The following SCOC variants were observed in gnomAD, a reference collection of about 807,000 sequenced individuals.
SCOC encodes the protein short coiled-coil protein, also known as short coiled coil protein.
SCOC carries 7 observed loss-of-function variants against 9.9 expected under a neutral mutation model. That is an observed-to-expected ratio of 0.71 (90% CI 0.40 to 1.33). SCOC has a LOEUF of 1.33. SCOC is among the 40% of genes most tolerant of loss of function. SCOC has a pLI of 0.01. For missense variants in SCOC, 66 were observed against 89.7 expected, an observed-to-expected ratio of 0.74 and a Z score of 1.07; for synonymous variants, 19 against 28.2, an observed-to-expected ratio of 0.67 and a Z score of 1.03.
chr4:140,384,586 A>C lies in SCOC; in HGVS notation c.*3482A>C, dbSNP rs1383697337. 1 of 152,164 alleles carries C rather than the reference A, an allele frequency of 6.6e-6. No individual in the cohort carries two copies. Among genetic ancestry groups the C allele is most frequent in the Non-Finnish European group, 1.5e-5 (1 of 68,050 alleles). The allele number at this position is 152,164 out of a possible 1,614,324, so 9.4% of individuals were successfully genotyped here. A position where few individuals can be genotyped will look rare whatever the true frequency, so the allele number is the denominator to read the frequency against. On this transcript the variant is annotated 3_prime_UTR_variant, in exon 4 of 4. Coordinates refer to ENST00000608372, the MANE Select transcript of SCOC (RefSeq NM_001153484.2). The stretch of plus-strand genomic sequence containing the variant: ...ACCTCATCACTGCTCATTGACTATA[A>C]ATCCTCAGTTGTATTTGCTGTGTTA...
intron 1 of SCOC, among the ~76,000 whole-genome samples, chr4:140,377,060 T>G (rs1728374018): frequency 6.6e-6 from 1 of 152,240 alleles, no homozygotes; most frequent in African/African-American, 2.4e-5. Context: ...AATTGCAGCT[T>G]ACTCTTGCTG....
upstream of SCOC, among the ~76,000 whole-genome samples, chr4:140,339,060 C>T: frequency 6.6e-6 from 1 of 152,196 alleles, no homozygotes; most frequent in Non-Finnish European, 1.5e-5. Flanking sequence ...TACTACAAGG[C>T]TACAGTAACC....
intron 1 of SCOC, among the ~76,000 whole-genome samples, chr4:140,322,201 A>G (rs1270135688): frequency 6.6e-6 from 1 of 152,240 alleles, no homozygotes; most frequent in Admixed American, 6.5e-5. Context: ...GTGTTGCTGT[A>G]ATAAATACCT....
At chr4:140,287,274 C>T (rs1220881510) in intron 1 of SCOC, among the ~76,000 whole-genome samples, 1 of 149,586 alleles carries the variant, frequency 6.7e-6, no homozygotes, top group African/African-American at 2.6e-5. Context: ...AAATCATGTG[C>T]ACATGCCACA....
intron 1 of SCOC, among the ~76,000 whole-genome samples, chr4:140,328,201 C>T (rs929044335): frequency 3.3e-5 from 5 of 152,324 alleles, no homozygotes; most frequent in Admixed American, 2.0e-4. Context: ...GGATTACAGT[C>T]ACCCATCTCC....
At chr4:140,277,295 C>A (rs1731005670) in intron 1 of SCOC, among the ~76,000 whole-genome samples, 1 of 152,222 alleles carries the variant, frequency 6.6e-6, no homozygotes, top group East Asian at 1.9e-4. Context: ...CTGCAGACCC[C>A]CCTCCCCACT....
intron 1 of SCOC, among the ~76,000 whole-genome samples, chr4:140,335,072 C>A (rs1278833657): frequency 6.6e-6 from 1 of 152,150 alleles, no homozygotes; most frequent in African/African-American, 2.4e-5. Context: ...TGTAAGAAAT[C>A]TAGAATTTCC....
chr4:140,366,944 G>A lies in SCOC; in HGVS notation c.71-12177G>A, dbSNP rs113106592. ...TTATTGACCAGGCGTGGTGGCTCAC[G>A]CATGTAATCCCAGCACTTTGGGAGG... On this transcript the variant is annotated intron_variant, in intron 2 of 4. Coordinates refer to the SCOC transcript ENST00000338517. The A allele has an allele frequency of 8.5e-3, 4,447 of 520,458 alleles. 37 individuals are homozygous for A. Among genetic ancestry groups the A allele is most frequent in the Non-Finnish European group, 0.01 (2,975 of 287,646 alleles). The allele number at this position is 520,458 out of a possible 1,614,324, so 32.2% of individuals were successfully genotyped here. A position where few individuals can be genotyped will look rare whatever the true frequency, so the allele number is the denominator to read the frequency against.
chr4:140,344,452 C>T (rs1047986477), intron 2 of SCOC, among the ~76,000 whole-genome samples: 3 of 152,166 alleles, frequency 2.0e-5, no homozygotes, highest in Admixed American at 2.0e-4. Flanking sequence ...AGAGCAAGAG[C>T]ATGAATATTT....
At chr4:140,268,116 G>T (rs1249893054) in intron 1 of SCOC, among the ~76,000 whole-genome samples, 1 of 152,206 alleles carries the variant, frequency 6.6e-6, no homozygotes, top group Non-Finnish European at 1.5e-5. Context: ...TGGGGTGAAG[G>T]ATTCACTAAA....
chr4:140,291,765 A>G (rs1292885355), intron 1 of SCOC, among the ~76,000 whole-genome samples: 1 of 152,096 alleles, frequency 6.6e-6, no homozygotes, highest in African/African-American at 2.4e-5. Context: ...TCTCAGCTCT[A>G]TTGGGGGGGC....
intron 2 of SCOC, among the ~76,000 whole-genome samples, chr4:140,344,128 A>G (rs1014481515): frequency 5.9e-5 from 9 of 152,208 alleles, no homozygotes; most frequent in African/African-American, 2.2e-4. Flanking sequence ...ATTGCAGAAA[A>G]TGTCTGATTT....
chr4:140,373,211 C>T (rs1012612720), upstream of SCOC: 2 of 1,046,124 alleles, frequency 1.9e-6, no homozygotes, highest in African/African-American at 1.7e-5. Flanking sequence ...CTGCTTGGTT[C>T]GCAAACGCTC....
At chr4:140,355,137 C>A (rs1480447449) in intron 2 of SCOC, among the ~76,000 whole-genome samples, 1 of 150,570 alleles carries the variant, frequency 6.6e-6, no homozygotes. Flanking sequence ...AATCAGCTGC[C>A]AGCGAATATA....
Position 140,259,482 on chromosome 4 carries a change from G to A in SCOC, c.-19+2072G>A, listed in dbSNP as rs117393669. On this transcript the variant is annotated intron_variant, in intron 1 of 4. Transcript: ENST00000394205. ...TTTAAAAGTACTACTTTTCGGCTGG[G>A]CATGGTGGCTTGCACCTGTAATCTC... Among the ~76,000 whole-genome samples the A allele has an allele frequency of 8.0e-4, 122 of 152,286 alleles. 2 individuals carry two copies. The East Asian group carries it at 0.022, about 27-fold the overall frequency.
chr4:140,317,657 TTTTATTTTATTTTA>T (rs1488265678), intron 1 of SCOC, among the ~76,000 whole-genome samples: 191 of 148,616 alleles, frequency 1.3e-3, no homozygotes, highest in African/African-American at 4.5e-3. Flanking sequence ...CTGTTTGCAT[TTTTATTTTATTTTA>T]TTTATTTTAT....
chr4:140,379,108 T>G lies in SCOC; in HGVS notation c.-50-13T>G, dbSNP rs1417643586. The G allele has an allele frequency of 6.5e-7, 1 of 1,545,488 alleles. No homozygotes were observed. The stretch of plus-strand genomic sequence containing the variant: ...CTGTATGTGTCTATATTTCTGAATT[T>G]TTCTTATTGTAGACCATTCCTCAAG... On this transcript the variant is annotated splice_polypyrimidine_tract_variant and intron_variant, in intron 1 of 3. Transcript: ENST00000608372.
chr4:140,344,917 A>G (rs1439290501), intron 2 of SCOC, among the ~76,000 whole-genome samples: 3 of 152,042 alleles, frequency 2.0e-5, no homozygotes, highest in Non-Finnish European at 2.9e-5. Context: ...TTTTTTCTGC[A>G]TGGGCTGAGC....
At position 140,381,144 on chromosome 4, in the gene SCOC, C is replaced by A; in HGVS notation, c.*40C>A. 2 of 1,539,730 alleles carry A rather than the reference C, an allele frequency of 1.3e-6. No individual in the cohort carries two copies. Among genetic ancestry groups the A allele is most frequent in the South Asian group, 2.6e-5 (2 of 76,838 alleles). ...TCTGTTTTATGGAATTGCTGCTGAT[C>A]ATTTTTTCTTTAAAACTTGGATAGA... On this transcript the variant is annotated 3_prime_UTR_variant, in exon 4 of 4. Transcript: ENST00000608372.
Sources: allele counts gnomAD v4.1 joint callset (sites outside exome capture counted in the v4.1 genomes callset), GRCh38; gene constraint gnomAD v4.1.1; transcripts MANE v1.5; gene names NCBI Gene and HGNC (gene_info 2026-07-23, HGNC 2026-07-21).